The following ARB2A variants were observed in gnomAD, a reference collection of about 807,000 sequenced individuals.
ARB2A encodes cotranscriptional regulator ARB2A.
the ARB2A span, among the ~76,000 whole-genome samples, chr5:93,792,310 T>C: frequency 1.3e-5 from 2 of 152,126 alleles, no homozygotes; most frequent in African/African-American, 4.8e-5. Flanking sequence ...AAGTTAGGAC[T>C]AAACATTGTC....
At chr5:94,050,400 G>A in the ARB2A span, among the ~76,000 whole-genome samples, 2 of 151,716 alleles carry the variant, frequency 1.3e-5, no homozygotes, top group Non-Finnish European at 2.9e-5. Context: ...GACTACACGC[G>A]CATGCAACCA....
chr5:93,943,663 T>C, the ARB2A span, among the ~76,000 whole-genome samples: 1 of 152,174 alleles, frequency 6.6e-6, no homozygotes, highest in Non-Finnish European at 1.5e-5. Context: ...TATGCTGAAA[T>C]AGAAAGATCT....
the ARB2A span, among the ~76,000 whole-genome samples, chr5:93,934,928 A>AATTATTT: frequency 6.6e-6 from 1 of 152,216 alleles, no homozygotes; most frequent in Non-Finnish European, 1.5e-5. Context: ...CATTTGCAGC[A>AATTATTT]ACCTGGATGG....
the ARB2A span, among the ~76,000 whole-genome samples, chr5:93,631,008 TCAGCCTCCCAAG>T: frequency 1.3e-5 from 2 of 152,074 alleles, no homozygotes; most frequent in African/African-American, 4.8e-5. Context: ...TCCTCCTGCC[TCAGCCTCCCAAG>T]CAGTTGGGAC....
the ARB2A span, among the ~76,000 whole-genome samples, chr5:93,628,625 T>G: frequency 2.0e-5 from 3 of 152,242 alleles, no homozygotes; most frequent in African/African-American, 7.2e-5. Context: ...ACTTGCTATA[T>G]CTTATACAGC....
At chr5:93,809,023 C>T in the ARB2A span, among the ~76,000 whole-genome samples, 3 of 151,914 alleles carry the variant, frequency 2.0e-5, no homozygotes, top group Non-Finnish European at 4.4e-5. Context: ...GAAAATTTAG[C>T]TGTAGATGTA....
chr5:94,065,828 G>C, the ARB2A span, among the ~76,000 whole-genome samples: 1 of 152,106 alleles, frequency 6.6e-6, no homozygotes, highest in Non-Finnish European at 1.5e-5. Flanking sequence ...CATCTAGGCA[G>C]AATATTAACA....
chr5:93,659,390 G>A, the ARB2A span, among the ~76,000 whole-genome samples: 1 of 152,008 alleles, frequency 6.6e-6, no homozygotes, highest in Admixed American at 6.6e-5. Flanking sequence ...TTGAATCTGA[G>A]CCACTTAGAC....
the ARB2A span, among the ~76,000 whole-genome samples, chr5:93,852,526 G>A: frequency 6.6e-6 from 1 of 152,074 alleles, no homozygotes; most frequent in African/African-American, 2.4e-5. Flanking sequence ...TGAAGTCCTT[G>A]CCCATGCCTA....
At chr5:93,861,746 T>A in the ARB2A span, 1 of 152,204 alleles carries the variant, frequency 6.6e-6, no homozygotes, top group Non-Finnish European at 1.5e-5. Flanking sequence ...TCAGAGGCCA[T>A]CGTTAAGCAT....
the ARB2A span, among the ~76,000 whole-genome samples, chr5:93,934,279 G>A: frequency 9.9e-5 from 15 of 152,134 alleles, no homozygotes; most frequent in African/African-American, 3.4e-4. Flanking sequence ...TATTTCAATG[G>A]ACTATAAAAG....
the ARB2A span, among the ~76,000 whole-genome samples, chr5:94,030,663 T>C: frequency 3.0e-3 from 452 of 152,334 alleles, 1 homozygote; most frequent in Non-Finnish European, 4.6e-3. Context: ...TTGTAATTTG[T>C]CTCCATCAAA....
chr5:93,974,016 C>T, the ARB2A span, among the ~76,000 whole-genome samples: 4 of 152,158 alleles, frequency 2.6e-5, no homozygotes, highest in East Asian at 1.9e-4. Context: ...AACTAGCTAA[C>T]GACACCACAC....
the ARB2A span, among the ~76,000 whole-genome samples, chr5:94,020,741 T>C: frequency 2.0e-5 from 3 of 152,220 alleles, no homozygotes; most frequent in East Asian, 1.9e-4. Context: ...CAACAGGCTA[T>C]GTCTGAACTA....
At chr5:93,808,125 A>T in the ARB2A span, among the ~76,000 whole-genome samples, 1 of 152,018 alleles carries the variant, frequency 6.6e-6, no homozygotes, top group African/African-American at 2.4e-5. Flanking sequence ...CCTTACGGCT[A>T]TATCGGCTTC....
the ARB2A span, among the ~76,000 whole-genome samples, chr5:93,775,507 G>A: frequency 2.6e-5 from 4 of 152,212 alleles, no homozygotes; most frequent in African/African-American, 7.2e-5. Context: ...CCTTTAGGCT[G>A]GAAATCAGTG....
At chr5:93,718,661 AT>A in the ARB2A span, among the ~76,000 whole-genome samples, 2 of 152,220 alleles carry the variant, frequency 1.3e-5, no homozygotes, top group African/African-American at 4.8e-5. Flanking sequence ...TGAAAGACTT[AT>A]CACTTCTGAA....
the ARB2A span, among the ~76,000 whole-genome samples, chr5:93,768,627 C>A: frequency 6.6e-6 from 1 of 151,716 alleles, no homozygotes; most frequent in Non-Finnish European, 1.5e-5. Flanking sequence ...GGAGATATAT[C>A]TGGAATGCAG....
the ARB2A span, among the ~76,000 whole-genome samples, chr5:93,768,266 G>A: frequency 6.6e-6 from 1 of 151,128 alleles, no homozygotes; most frequent in African/African-American, 2.4e-5. Context: ...CTCAGGTGAT[G>A]GGTGCACCAA....
Sources: allele counts gnomAD v4.1 joint callset (sites outside exome capture counted in the v4.1 genomes callset), GRCh38; gene constraint gnomAD v4.1.1; transcripts MANE v1.5; gene names NCBI Gene and HGNC (gene_info 2026-07-23, HGNC 2026-07-21).